TENT4A: variants seen among roughly 807,000 people sequenced by gnomAD.
TENT4A encodes the protein DNA polymerase kappa.
TENT4A carries 7 observed loss-of-function variants against 72.8 expected under a neutral mutation model. That is an observed-to-expected ratio of 0.10 (90% CI 0.05 to 0.18). The LOEUF (loss-of-function observed/expected upper bound fraction) is 0.18. TENT4A is among the 10% of genes least tolerant of loss of function. The probability of loss-of-function intolerance (pLI) is 1.00; values close to 1 mark genes in which losing one functional copy is unlikely to be tolerated. For synonymous variants in TENT4A, 456 were observed against 434.3 expected (o/e 1.05, Z -0.62); for missense variants, 831 against 1,017.7 (o/e 0.82, Z 2.50).
chr5:6,740,931 T>C (rs1361051321), intron 4 of TENT4A, among the ~76,000 whole-genome samples: 1 of 151,666 alleles, frequency 6.6e-6, no homozygotes, highest in Non-Finnish European at 1.5e-5. Context: ...GTGAGGAAAC[T>C]GAGATGCGGA....
In TENT4A at chr5:6,752,895, C is replaced by T; in HGVS notation, c.2042C>T (p.Pro681Leu). Reference protein sequence around the residue: ...NNQTRFTIPPPTLGVAPVPCR... With the variant: ...NNQTRFTIPPLTLGVAPVPCR... ...TAGACCAGGTTTACTATACCTCCACCGACCCTAGGGGTTGCTCCTGTTCCT... is the reference window on the plus strand; with the variant it reads ...TAGACCAGGTTTACTATACCTCCACTGACCCTAGGGGTTGCTCCTGTTCCT... Residue 681 changes from proline to leucine, a missense_variant, in exon 12 of 13, where the codon CCG becomes CTG. By Grantham distance (98) the Pro-to-Leu change is moderately conservative. Around this residue, in one of 3 missense-constraint regions of TENT4A, gnomAD observed 332 missense variants for 324.3 expected, o/e 1.02. Coordinates refer to ENST00000230859, the MANE Select transcript of TENT4A (RefSeq NM_006999.6). The T allele has an allele frequency of 2.5e-6, 4 of 1,613,968 alleles. No homozygotes were observed. Among genetic ancestry groups the T allele is most frequent in the Non-Finnish European group, 3.4e-6 (4 of 1,179,904 alleles).
intron 1 of TENT4A, among the ~76,000 whole-genome samples, chr5:6,732,939 C>T (rs1435834249): frequency 1.2e-4 from 18 of 152,180 alleles, no homozygotes; most frequent in Non-Finnish European, 1.5e-5. Context: ...CTTTTCTACA[C>T]CACAGCCAAC....
At chr5:6,746,774 A>G (rs1029096247) in intron 7 of TENT4A, among the ~76,000 whole-genome samples, 1 of 152,214 alleles carries the variant, frequency 6.6e-6, no homozygotes, top group African/African-American at 2.4e-5. Flanking sequence ...TTATTTGGAC[A>G]TGTATTTCTC....
intron 1 of TENT4A, among the ~76,000 whole-genome samples, chr5:6,731,206 C>T (rs1371121539): frequency 6.6e-6 from 1 of 152,174 alleles, no homozygotes; most frequent in African/African-American, 2.4e-5. Context: ...TGAGAAACCA[C>T]TAGTTTTAAG....
intron 1 of TENT4A, among the ~76,000 whole-genome samples, chr5:6,731,501 G>T (rs1007758690): frequency 6.6e-6 from 1 of 152,156 alleles, no homozygotes; most frequent in Non-Finnish European, 1.5e-5. Flanking sequence ...CTGTTCTTCA[G>T]AGTGCAGGTC....
At chr5:6,726,333 C>T (rs1369614516) in intron 1 of TENT4A, among the ~76,000 whole-genome samples, 2 of 152,160 alleles carry the variant, frequency 1.3e-5, no homozygotes, top group Non-Finnish European at 2.9e-5. Context: ...GCATATTCCA[C>T]AGACCTCATG....
intron 11 of TENT4A, among the ~76,000 whole-genome samples, chr5:6,752,622 C>A (rs1230667943): frequency 6.6e-6 from 1 of 152,256 alleles, no homozygotes; most frequent in African/African-American, 2.4e-5. Context: ...ATCGTTTGAT[C>A]TTCAATGAGT....
chr5:6,753,626 C>T (rs868503654), intron 12 of TENT4A, among the ~76,000 whole-genome samples: 7 of 152,322 alleles, frequency 4.6e-5, no homozygotes, highest in African/African-American at 1.2e-4. Context: ...AGAGCCATGG[C>T]GAGGATCTTC....
chr5:6,724,740 C>T (rs1048520589), intron 1 of TENT4A, among the ~76,000 whole-genome samples: 1 of 152,202 alleles, frequency 6.6e-6, no homozygotes, highest in South Asian at 2.1e-4. Flanking sequence ...ACAGAGCCTC[C>T]CTTAATAGGT....
At chr5:6,730,182 TGCACCCCCCA>T (rs1324630826) in intron 1 of TENT4A, among the ~76,000 whole-genome samples, 1 of 152,092 alleles carries the variant, frequency 6.6e-6, no homozygotes, top group Non-Finnish European at 1.5e-5. Context: ...GTGAAAGTGT[TGCACCCCCCA>T]GCACCCACAA....
Position 6,746,399 on chromosome 5 carries a change from G to C in TENT4A, c.1431G>C (p.Met477Ile). The change falls in exon 7 of 13, where the codon ATG (methionine) becomes ATC (isoleucine). Residue 477 changes from methionine (M) to isoleucine (I), a missense_variant. Physicochemically the swap from Met to Ile is conservative, Grantham distance 10. Transcript: ENST00000230859. ...KAMTSGYRPS[M>I]LCIEDPLLPG... Reference sequence around the variant, plus strand: ...TGACCAGCGGGTACAGACCGTCGATGCTGTGCATTGAGGACCCCCTGCTGC... The same window carrying C: ...TGACCAGCGGGTACAGACCGTCGATCCTGTGCATTGAGGACCCCCTGCTGC... 1 of 1,614,198 alleles carries C rather than the reference G, an allele frequency of 6.2e-7. No homozygotes were observed. Among genetic ancestry groups the C allele is most frequent in the Non-Finnish European group, 8.5e-7 (1 of 1,180,030 alleles).
chr5:6,749,681 T>G (rs376748138), intron 9 of TENT4A, 24 bp downstream of exon 9: 4 of 1,465,788 alleles, frequency 2.7e-6, no homozygotes, highest in Non-Finnish European at 3.8e-6. Context: ...TCATTTGTGT[T>G]CATCCTAACC....
Position 6,754,855 on chromosome 5 carries a change from CAG to C in TENT4A, c.2290_2291del (p.Arg764GlyfsTer6). On this transcript the variant is annotated frameshift_variant, in exon 13 of 13. Transcript: ENST00000230859. LOFTEE classifies it high-confidence loss of function. The part of the protein sequence containing the change: ...SGGVRPPVGN[R>X]GHHQYNRTGW... ...GAGGTGTGCGGCCCCCTGTGGGCAACAGGGGACACCACCAGTATAACCGCACC... is the reference window on the plus strand; with the variant it reads ...GAGGTGTGCGGCCCCCTGTGGGCAACGGGACACCACCAGTATAACCGCACC... The C allele has an allele frequency of 6.2e-7, 1 of 1,610,446 alleles. No homozygotes were observed. Among genetic ancestry groups the C allele is most frequent in the Non-Finnish European group, 8.5e-7 (1 of 1,177,484 alleles).
chr5:6,748,207 G>C (rs1318084435), intron 7 of TENT4A, among the ~76,000 whole-genome samples: 1 of 152,258 alleles, frequency 6.6e-6, no homozygotes, highest in Admixed American at 6.5e-5. Flanking sequence ...TGGGCCATGA[G>C]CACAGGGGCA....
chr5:6,714,902 G>A (rs1284424272), intron 1 of TENT4A: 10 of 274,482 alleles, frequency 3.6e-5, no homozygotes, highest in Admixed American at 1.1e-4. Flanking sequence ...GATCCTACAA[G>A]TAACAGTCCA....
chr5:6,729,692 CAG>C (rs1741109485), intron 1 of TENT4A, among the ~76,000 whole-genome samples: 2 of 152,354 alleles, frequency 1.3e-5, no homozygotes, highest in South Asian at 4.1e-4. Context: ...TAATCTCTTT[CAG>C]AGTCTGTGGG....
chr5:6,728,921 C>T (rs1190648997), intron 1 of TENT4A, among the ~76,000 whole-genome samples: 1 of 152,196 alleles, frequency 6.6e-6, no homozygotes, highest in East Asian at 1.9e-4. Context: ...TATTTCTTGT[C>T]ACTTTTAATG....
chr5:6,738,052 A>G (rs926476961), intron 2 of TENT4A, among the ~76,000 whole-genome samples: 1 of 151,854 alleles, frequency 6.6e-6, no homozygotes, highest in Non-Finnish European at 1.5e-5. Context: ...TCATTTTTGT[A>G]AAACTTGGAA....
chr5:6,714,460 C>A lies in TENT4A; in HGVS notation c.477C>A (p.Ala159=). The A allele has an allele frequency of 8.5e-7, 1 of 1,179,596 alleles. No homozygotes were observed. Among genetic ancestry groups the A allele is most frequent in the Non-Finnish European group, 1.0e-6 (1 of 954,536 alleles). 73.1% of individuals were successfully genotyped at this position (1,179,596 alleles called of 1,614,324 possible). A position where few individuals can be genotyped will look rare whatever the true frequency, so the allele number is the denominator to read the frequency against. Residue 159 remains alanine, a synonymous_variant, in exon 1 of 13, where the codon GCC becomes GCA. Transcript: ENST00000230859. ...FFNFADGAPS[A]PGTANGHPGP... ...ACTTCGCCGACGGCGCGCCCAGCGCCCCTGGCACAGCCAACGGGCACCCCG... is the reference window on the plus strand; with the variant it reads ...ACTTCGCCGACGGCGCGCCCAGCGCACCTGGCACAGCCAACGGGCACCCCG...
Sources: gnomAD v4.1 joint callset for allele counts (sites outside exome capture counted in the v4.1 genomes callset) on GRCh38, gnomAD v4.1.1 for gene constraint, gnomAD v4.1.1 regional missense constraint, MANE v1.5 for transcripts, NCBI Gene and HGNC (gene_info 2026-07-23, HGNC 2026-07-21) for gene names.